Variants in MDGA2 observed in about 807,000 individuals in gnomAD.
MDGA2 encodes MAM domain containing glycosylphosphatidylinositol anchor 2.
MDGA2 carries 40 observed loss-of-function variants against 117.8 expected under a neutral mutation model. The observed-to-expected ratio is 0.34, with a 90% CI of 0.26 to 0.44. The LOEUF is 0.44. Among genes scored for constraint, MDGA2 ranks in the 20% least tolerant of loss-of-function variants. The probability of loss-of-function intolerance (pLI) is 1.00; values close to 1 mark genes in which losing one functional copy is unlikely to be tolerated. For missense variants in MDGA2, 1,123 were observed against 1,250.6 expected, an observed-to-expected ratio of 0.90 and a Z score of 1.54; for synonymous variants, 452 against 439.0, an observed-to-expected ratio of 1.03 and a Z score of -0.37.
At chr14:47,124,476 T>C (rs996180833) in intron 5 of MDGA2, among the ~76,000 whole-genome samples, 3 of 152,122 alleles carry the variant, frequency 2.0e-5, no homozygotes, top group African/African-American at 7.2e-5. Flanking sequence ...CTTTAACATA[T>C]CTGACTCATT....
chr14:47,672,442 C>T (rs541620169), intron 1 of MDGA2, among the ~76,000 whole-genome samples: 2 of 152,208 alleles, frequency 1.3e-5, no homozygotes, highest in Non-Finnish European at 2.9e-5. Context: ...TCTGCTAGAT[C>T]TTACCCTTTT....
intron 1 of MDGA2, among the ~76,000 whole-genome samples, chr14:47,606,962 A>G (rs772771367): frequency 1.5e-4 from 23 of 152,138 alleles, no homozygotes; most frequent in Non-Finnish European, 3.2e-4. Flanking sequence ...AAACACACGC[A>G]CTGGTGTAAC....
chr14:47,010,358 T>A (rs528849588), intron 8 of MDGA2, among the ~76,000 whole-genome samples: 1 of 150,968 alleles, frequency 6.6e-6, no homozygotes, highest in South Asian at 2.1e-4. Flanking sequence ...AAAATAGATA[T>A]AAAAAAATAA....
intron 6 of MDGA2, among the ~76,000 whole-genome samples, chr14:47,074,868 T>C (rs974722892): frequency 3.3e-5 from 5 of 152,202 alleles, no homozygotes; most frequent in African/African-American, 1.2e-4. Flanking sequence ...CTCAACTCTC[T>C]GAGATACAGT....
chr14:47,158,734 C>A (rs777416370), intron 3 of MDGA2, among the ~76,000 whole-genome samples: 2 of 152,116 alleles, frequency 1.3e-5, no homozygotes, highest in Non-Finnish European at 2.9e-5. Context: ...GGATTACAGG[C>A]GTGAGCAACG....
intron 2 of MDGA2, among the ~76,000 whole-genome samples, chr14:47,294,763 T>C (rs2139788187): frequency 6.6e-6 from 1 of 152,214 alleles, no homozygotes; most frequent in East Asian, 1.9e-4. Flanking sequence ...TCAAGATATA[T>C]AAAATATCTG....
chr14:46,982,859 C>T (rs560525928), intron 8 of MDGA2, among the ~76,000 whole-genome samples: 1 of 151,808 alleles, frequency 6.6e-6, no homozygotes, highest in African/African-American at 2.4e-5. Flanking sequence ...TAGGAGTGGT[C>T]AGAGAGGGCA....
chr14:47,364,077 C>T (rs1173973643), intron 1 of MDGA2, among the ~76,000 whole-genome samples: 1 of 151,822 alleles, frequency 6.6e-6, no homozygotes, highest in East Asian at 1.9e-4. Context: ...TATAGATGAA[C>T]CACAGATAGA....
At chr14:46,972,321 T>C (rs1441950667) in intron 8 of MDGA2, among the ~76,000 whole-genome samples, 1 of 152,140 alleles carries the variant, frequency 6.6e-6, no homozygotes, top group Non-Finnish European at 1.5e-5. Flanking sequence ...CAATCAAGTT[T>C]TTAAATAAAT....
chr14:47,395,443 A>T (rs1029715114), intron 1 of MDGA2, among the ~76,000 whole-genome samples: 10 of 152,184 alleles, frequency 6.6e-5, no homozygotes, highest in African/African-American at 2.4e-4. Flanking sequence ...TTTCGTCTTT[A>T]ATATACTTAA....
intron 3 of MDGA2, among the ~76,000 whole-genome samples, chr14:47,207,016 C>T (rs1032749234): frequency 5.3e-5 from 8 of 152,014 alleles, no homozygotes; most frequent in African/African-American, 1.9e-4. Flanking sequence ...AAAGAGATAA[C>T]ATCACTTTGA....
chr14:47,236,795 A>G (rs1191636236), intron 2 of MDGA2, among the ~76,000 whole-genome samples: 3 of 152,218 alleles, frequency 2.0e-5, no homozygotes, highest in African/African-American at 7.2e-5. Context: ...AGATTTTGGA[A>G]AAGTTTATTT....
At chr14:47,076,948 C>T (rs1285982514) in intron 6 of MDGA2, among the ~76,000 whole-genome samples, 1 of 152,034 alleles carries the variant, frequency 6.6e-6, no homozygotes, top group Non-Finnish European at 1.5e-5. Flanking sequence ...CATTTCTACT[C>T]ACCCATTTTT....
chr14:47,092,112 C>A (rs1879693160), intron 6 of MDGA2, among the ~76,000 whole-genome samples: 2 of 152,050 alleles, frequency 1.3e-5, no homozygotes, highest in African/African-American at 4.8e-5. Flanking sequence ...GAAAGAATAA[C>A]AATAGAAAGA....
intron 8 of MDGA2, among the ~76,000 whole-genome samples, chr14:46,992,941 T>C (rs1365930376): frequency 6.6e-6 from 1 of 152,088 alleles, no homozygotes; most frequent in Non-Finnish European, 1.5e-5. Flanking sequence ...CAAGTGAAAA[T>C]GAGTGATGTG....
At chr14:47,466,271 A>C (rs1893602030) in intron 1 of MDGA2, among the ~76,000 whole-genome samples, 1 of 152,056 alleles carries the variant, frequency 6.6e-6, no homozygotes, top group South Asian at 2.1e-4. Context: ...CCCATGTGAC[A>C]TGAGTCTATC....
At chr14:47,554,685 C>G (rs1423423745) in intron 1 of MDGA2, among the ~76,000 whole-genome samples, 1 of 152,168 alleles carries the variant, frequency 6.6e-6, no homozygotes, top group Non-Finnish European at 1.5e-5. Context: ...CTAAGAGTCT[C>G]TGGTTGAGAC....
At chr14:46,973,182 C>T (rs1886334215) in intron 8 of MDGA2, among the ~76,000 whole-genome samples, 2 of 152,102 alleles carry the variant, frequency 1.3e-5, no homozygotes, top group African/African-American at 2.4e-5. Flanking sequence ...CAAAATGGCA[C>T]AGCCACTTTG....
intron 2 of MDGA2, among the ~76,000 whole-genome samples, chr14:47,244,060 T>C (rs748609655): frequency 6.6e-6 from 1 of 151,802 alleles, no homozygotes; most frequent in African/African-American, 2.4e-5. Flanking sequence ...TGATAATTGC[T>C]TCTTTATTTA....
Sources: allele counts gnomAD v4.1 joint callset (sites outside exome capture counted in the v4.1 genomes callset), GRCh38; gene constraint gnomAD v4.1.1; transcripts MANE v1.5; gene names NCBI Gene and HGNC (gene_info 2026-07-23, HGNC 2026-07-21).